Variants in LYST observed in about 807,000 individuals in gnomAD.
LYST encodes lysosomal-trafficking regulator.
In LYST, 192 loss-of-function variants were observed where a neutral mutation model predicts 413.6. The observed-to-expected ratio is 0.46, with a 90% CI of 0.41 to 0.52. The LOEUF (loss-of-function observed/expected upper bound fraction) is 0.52, where lower values mean the gene tolerates loss of function less well. LYST is among the 20% of genes least tolerant of loss of function. The pLI is 0.00. For synonymous variants in LYST, 1,525 were observed against 1,567.3 expected (o/e 0.97, Z 0.64); for missense variants, 3,815 against 4,499.9 (o/e 0.85, Z 4.35).
At chr1:235,784,533 C>T (rs1670210360) in intron 14 of LYST, among the ~76,000 whole-genome samples, 1 of 152,168 alleles carries the variant, frequency 6.6e-6, no homozygotes, top group South Asian at 2.1e-4. Flanking sequence ...ATGGGCCCTC[C>T]CTAGGGTCAG....
intron 28 of LYST, among the ~76,000 whole-genome samples, chr1:235,750,703 CT>C (rs533976614): frequency 1.6e-4 from 24 of 152,254 alleles, no homozygotes; most frequent in African/African-American, 5.8e-4. Flanking sequence ...TGATGACATT[CT>C]TCCTTATTTA....
At chr1:235,835,473 C>T (rs377720459) in intron 1 of LYST, among the ~76,000 whole-genome samples, 1 of 152,110 alleles carries the variant, frequency 6.6e-6, no homozygotes, top group East Asian at 1.9e-4. Context: ...TTTCTCTTAT[C>T]GAGGGACATT....
intron 12 of LYST, 92 bp from the exon 13 acceptor site, chr1:235,788,937 C>G: frequency 8.6e-7 from 1 of 1,165,472 alleles, no homozygotes; most frequent in Admixed American, 1.8e-5. Context: ...CAAATTTGTT[C>G]ATTTGTAGTA....
intron 1 of LYST, among the ~76,000 whole-genome samples, chr1:235,848,842 C>G (rs1238414221): frequency 6.6e-6 from 1 of 151,946 alleles, no homozygotes; most frequent in Non-Finnish European, 1.5e-5. Flanking sequence ...ATGAGATACC[C>G]TGAACAGACC....
intron 1 of LYST, among the ~76,000 whole-genome samples, chr1:235,877,450 C>T (rs1023175798): frequency 2.6e-5 from 4 of 152,158 alleles, no homozygotes; most frequent in Non-Finnish European, 5.9e-5. Flanking sequence ...TCTTGTCGCC[C>T]AGGCTGGAGT....
At chr1:235,794,302 C>G (rs775258933) in intron 10 of LYST, among the ~76,000 whole-genome samples, 1 of 151,892 alleles carries the variant, frequency 6.6e-6, no homozygotes, top group Non-Finnish European at 1.5e-5. Flanking sequence ...TTTTTAAGTA[C>G]GAAATTAGAT....
chr1:235,804,307 T>C (rs1219593150), intron 7 of LYST, among the ~76,000 whole-genome samples, 197 bp downstream of exon 7: 3 of 152,246 alleles, frequency 2.0e-5, no homozygotes, highest in Non-Finnish European at 4.4e-5. Flanking sequence ...TCTCCTGTTA[T>C]GTATAAGACA....
At chr1:235,848,554 A>C (rs1014712378) in intron 1 of LYST, among the ~76,000 whole-genome samples, 1 of 152,130 alleles carries the variant, frequency 6.6e-6, no homozygotes, top group African/African-American at 2.4e-5. Context: ...ATTGAAACAA[A>C]CAAAAAAAAT....
chr1:235,786,344 A>G (rs1483902492), intron 14 of LYST, among the ~76,000 whole-genome samples: 1 of 152,196 alleles, frequency 6.6e-6, no homozygotes, highest in African/African-American at 2.4e-5. Flanking sequence ...CAAAACCACA[A>G]TGAGATACCA....
intron 1 of LYST, among the ~76,000 whole-genome samples, chr1:235,851,075 C>T (rs1011296297): frequency 7.2e-5 from 11 of 152,014 alleles, no homozygotes; most frequent in South Asian, 2.1e-4. Context: ...TACTTACACA[C>T]GTTTATAGCA....
chr1:235,736,997 A>G (rs2103235899), intron 31 of LYST: 1 of 152,236 alleles, frequency 6.6e-6, no homozygotes, highest in South Asian at 2.1e-4. Context: ...AATTAAGCAA[A>G]CAAACAAAAA....
intron 1 of LYST, among the ~76,000 whole-genome samples, chr1:235,872,295 CAAAAAAAAAAAAA>C (rs3077214): frequency 2.8e-5 from 3 of 107,676 alleles, no homozygotes; most frequent in Non-Finnish European, 5.6e-5. Context: ...CATTCTGTCT[CAAAAAAAAAAAAA>C]AAAAAAAAAA....
chr1:235,747,044 T>G (rs1665994540), intron 28 of LYST: 1 of 260,140 alleles, frequency 3.8e-6, no homozygotes, highest in Non-Finnish European at 7.7e-6. Flanking sequence ...ATAATTCCAG[T>G]GATTTGTTAT....
At chr1:235,807,274 A>G (rs891722392) in intron 5 of LYST, among the ~76,000 whole-genome samples, 3 of 152,208 alleles carry the variant, frequency 2.0e-5, no homozygotes, top group Middle Eastern at 3.2e-3. Context: ...GCTCAGCATC[A>G]CATGAATTTC....
intron 31 of LYST, chr1:235,735,482 G>A (rs949607950): frequency 1.3e-5 from 2 of 152,230 alleles, no homozygotes; most frequent in Admixed American, 6.5e-5. Flanking sequence ...TTGCAGCACA[G>A]ACCTAAACCA....
At chr1:235,675,851 T>C (rs1442477458) in intron 50 of LYST, among the ~76,000 whole-genome samples, 3 of 152,190 alleles carry the variant, frequency 2.0e-5, no homozygotes, top group Non-Finnish European at 4.4e-5. Flanking sequence ...GGACACCCAG[T>C]TGGTGTCAGA....
chr1:235,830,048 TG>T, intron 3 of LYST, 177 bp downstream of exon 3: 1 of 588,126 alleles, frequency 1.7e-6, no homozygotes, highest in South Asian at 2.1e-5. Flanking sequence ...TCAGACGTTT[TG>T]AAAGTATTCA....
intron 30 of LYST, 121 bp from the exon 31 acceptor site, chr1:235,741,749 T>C: frequency 1.3e-6 from 1 of 757,356 alleles, no homozygotes; most frequent in South Asian, 1.5e-5. Context: ...GTTTTAATAG[T>C]CAAAATTAGA....
chr1:235,712,738 A>C lies in LYST; in HGVS notation c.9785-541T>G, dbSNP rs947184182. 5 of 984,914 alleles carry C rather than the reference A, an allele frequency of 5.1e-6. No homozygotes were observed. The African/African-American group carries it at 8.8e-5, about 17-fold the overall frequency. The allele number at this position is 984,914 out of a possible 1,614,324, so 61.0% of individuals were successfully genotyped here. A position where few individuals can be genotyped will look rare whatever the true frequency, so the allele number is the denominator to read the frequency against. On this transcript the variant is annotated intron_variant, in intron 42 of 52. Transcript: ENST00000389793. ...CGGTGCATTGTTTTTTGGTGTTCTA[A>C]CTCTGAGCTAAAGAATTGAGTAAAA...
Sources: gnomAD v4.1 joint callset for allele counts (sites outside exome capture counted in the v4.1 genomes callset) on GRCh38, gnomAD v4.1.1 for gene constraint, MANE v1.5 for transcripts, NCBI Gene and HGNC (gene_info 2026-07-23, HGNC 2026-07-21) for gene names.